Variants in RRAGD observed in about 807,000 individuals in gnomAD.
RRAGD encodes Ras related GTP binding D.
Under a neutral mutation model 35.5 loss-of-function variants are expected in RRAGD, and 12 were observed. That is an observed-to-expected ratio of 0.34 (90% CI 0.22 to 0.55). RRAGD has a LOEUF of 0.55. RRAGD is among the 20% of genes least tolerant of loss of function. The pLI, the probability that RRAGD is intolerant of heterozygous loss-of-function variation, is 0.91. For missense variants in RRAGD, 324 were observed against 490.1 expected (o/e 0.66, Z 3.20); for synonymous variants, 155 against 178.9 (o/e 0.87, Z 1.07).
At chr6:89,371,004 G>A (rs1482413857) in intron 6 of RRAGD, among the ~76,000 whole-genome samples, 2 of 151,466 alleles carry the variant, frequency 1.3e-5, no homozygotes, top group Non-Finnish European at 2.9e-5. Flanking sequence ...CAATGAATTA[G>A]GAAAATTTCA....
At chr6:89,396,085 T>A (rs1312980186) in intron 1 of RRAGD, among the ~76,000 whole-genome samples, 5 of 152,022 alleles carry the variant, frequency 3.3e-5, no homozygotes, top group African/African-American at 1.2e-4. Context: ...TAGGCAAAAA[T>A]TTCTTAGATA....
At chr6:89,388,768 T>G (rs1268012321) in intron 1 of RRAGD, among the ~76,000 whole-genome samples, 6 of 152,210 alleles carry the variant, frequency 3.9e-5, no homozygotes, top group African/African-American at 1.2e-4. Context: ...AATGAAATAA[T>G]TCTCAAGTCA....
intron 1 of RRAGD, among the ~76,000 whole-genome samples, chr6:89,397,419 A>G (rs751371825): frequency 6.6e-6 from 1 of 152,172 alleles, no homozygotes; most frequent in Admixed American, 6.5e-5. Flanking sequence ...TTGTCCATAT[A>G]ATAACGTGTA....
chr6:89,381,196 C>T (rs1284007992), intron 2 of RRAGD, among the ~76,000 whole-genome samples: 2 of 152,160 alleles, frequency 1.3e-5, no homozygotes, highest in African/African-American at 4.8e-5. Flanking sequence ...TGCTCATTTG[C>T]TTTCATATTG....
At position 89,372,580 on chromosome 6, in the gene RRAGD, T is replaced by C; in HGVS notation, c.908A>G (p.Lys303Arg). The C allele has an allele frequency of 6.5e-7, 1 of 1,528,142 alleles. No individual in the cohort carries two copies. The highest frequency in any genetic ancestry group is 1.3e-5 in the South Asian group (1 of 78,276). 94.7% of individuals were successfully genotyped at this position (1,528,142 alleles called of 1,614,324 possible). A position where few individuals can be genotyped will look rare whatever the true frequency, so the allele number is the denominator to read the frequency against. Residue 303 changes from lysine to arginine, a missense_variant, in exon 6 of 7, where the codon AAA becomes AGA. Lys to Arg is a conservative substitution (Grantham distance 26). Transcript: ENST00000369415. ...VIDISCIYGL[K>R]EDGAGTPYDK... ...ATAGGGGGTTCCTGCTCCATCTTCTTTGAGACTAAATGGGGACAGAAACCA... is the reference window on the plus strand; with the variant it reads ...ATAGGGGGTTCCTGCTCCATCTTCTCTGAGACTAAATGGGGACAGAAACCA...
chr6:89,386,439 C>T lies in RRAGD; in HGVS notation c.444+856G>A, dbSNP rs1427793523. Among the ~76,000 whole-genome samples the T allele has an allele frequency of 3.3e-5, 5 of 152,270 alleles. No individual in the cohort carries two copies. The East Asian group carries it at 5.8e-4, about 18-fold the overall frequency. On this transcript the variant is annotated intron_variant, in intron 2 of 6. Transcript: ENST00000369415. ...AAAGAACCTGATACAGGGAATGACT[C>T]GCGACTGGGAATGGGGCTCTTCAAA...
chr6:89,377,697 C>A lies in RRAGD; in HGVS notation c.876G>T (p.Val292=). The A allele has an allele frequency of 6.3e-7, 1 of 1,597,972 alleles. No homozygotes were observed. The highest frequency in any genetic ancestry group is 8.5e-7 in the Non-Finnish European group (1 of 1,174,760). ...TYELCCDMID[V]VIDISCIYGL... ...CATAAATACAAGAGATGTCAATAAC[C>A]ACATCTATCATATCACAGCAGAGCT... Residue 292 remains valine (V), a synonymous_variant, in exon 5 of 7, where the codon GTG becomes GTT. Transcript: ENST00000369415.
rs763964457 is a variant in RRAGD at position 89,387,404 on chromosome 6, T to G, written c.335A>C (p.Asn112Thr). ...REDVSNSSFV[N>T]FQIWDFPGQI... ...TCCTGGGAAGTCCCAAATCTGAAAA[T>G]TGACAAAGGAGCTGTTGGAAACATC... Residue 112 changes from asparagine to threonine, a missense_variant, in exon 2 of 7, where the codon AAT becomes ACT. By Grantham distance (65) the Asn-to-Thr change is moderately conservative (BLOSUM62 0). Transcript: ENST00000369415. 1 of 1,614,126 alleles carries G rather than the reference T, an allele frequency of 6.2e-7. No individual in the cohort carries two copies. The highest frequency in any genetic ancestry group is 8.5e-7 in the Non-Finnish European group (1 of 1,180,024).
intron 1 of RRAGD, among the ~76,000 whole-genome samples, chr6:89,405,636 T>C (rs1174939792): frequency 6.6e-6 from 1 of 152,066 alleles, no homozygotes; most frequent in African/African-American, 2.4e-5. Flanking sequence ...ACCCCAAGCC[T>C]AGGCAACGAG....
chr6:89,399,727 T>C (rs1453611785), intron 1 of RRAGD, among the ~76,000 whole-genome samples: 1 of 151,828 alleles, frequency 6.6e-6, no homozygotes, highest in Non-Finnish European at 1.5e-5. Flanking sequence ...TGCAGTGAGC[T>C]GTGATTATGC....
Position 89,412,171 on chromosome 6 carries a change from G to A in RRAGD, c.-178C>T, listed in dbSNP as rs1450983296. 7 of 450,574 alleles carry A rather than the reference G, an allele frequency of 1.6e-5. No homozygotes were observed. The highest frequency in any genetic ancestry group is 4.2e-5 in the East Asian group (1 of 23,790). 27.9% of individuals were successfully genotyped at this position (450,574 alleles called of 1,614,324 possible). A position where few individuals can be genotyped will look rare whatever the true frequency, so the allele number is the denominator to read the frequency against. ...GGCGGCGCCCAGGTCCGGGTCCCGC[G>A]GTTCCCAGCGCGCCCGAAGCCCCCT... is the stretch of plus-strand genomic sequence containing the variant. On this transcript the variant is annotated 5_prime_UTR_variant, in exon 1 of 7. Transcript: ENST00000369415. This position sits in a 1 kb window ranked among gnomAD's most constrained non-coding sequence, Gnocchi z 4.2.
At chr6:89,403,526 G>A (rs1001082486) in intron 1 of RRAGD, among the ~76,000 whole-genome samples, 3 of 151,752 alleles carry the variant, frequency 2.0e-5, no homozygotes, top group African/African-American at 7.2e-5. Context: ...GAACCTTTAT[G>A]TCTGTGGAAT....
chr6:89,368,283 G>A, intron 6 of RRAGD, 76 bp from the exon 7 acceptor site: 2 of 1,404,546 alleles, frequency 1.4e-6, no homozygotes, highest in Admixed American at 1.9e-5. Context: ...CCATGGCCAG[G>A]ACAAGCCAGT....
Position 89,412,094 on chromosome 6 carries a change from G to C in RRAGD, c.-101C>G. ...CAGCCTATTTCTGAAGCGGAGGTTT[G>C]TCTAGAGCTCAGCGGGGCCCGGCGG... On this transcript the variant is annotated 5_prime_UTR_variant, in exon 1 of 7. Transcript: ENST00000369415. The surrounding 1 kb of genome is among the most constrained non-coding windows in gnomAD (Gnocchi z 4.2). 1 of 1,208,936 alleles carries C rather than the reference G, an allele frequency of 8.3e-7. No individual in the cohort carries two copies. The highest frequency in any genetic ancestry group is 1.1e-6 in the Non-Finnish European group (1 of 923,944). 74.9% of individuals were successfully genotyped at this position (1,208,936 alleles called of 1,614,324 possible).
chr6:89,383,104 A>G (rs116162753), intron 2 of RRAGD, among the ~76,000 whole-genome samples: 1 of 152,310 alleles, frequency 6.6e-6, no homozygotes, highest in African/African-American at 2.4e-5. Context: ...GAAATATTCT[A>G]TATCTTGAAG....
At chr6:89,382,369 TG>T (rs1353894675) in intron 2 of RRAGD, among the ~76,000 whole-genome samples, 1 of 141,978 alleles carries the variant, frequency 7.0e-6, no homozygotes, top group Admixed American at 7.2e-5. Context: ...AAGACCGGCC[TG>T]AACAACACAG....
At chr6:89,372,378 A>G (rs1350413387) in intron 6 of RRAGD, 59 bp downstream of exon 6, 10 of 1,519,714 alleles carry the variant, frequency 6.6e-6, no homozygotes, top group Admixed American at 2.1e-5. Context: ...CAAACAATAC[A>G]TGCAGTAGCA....
At chr6:89,383,275 C>T (rs1484940913) in intron 2 of RRAGD, among the ~76,000 whole-genome samples, 1 of 152,106 alleles carries the variant, frequency 6.6e-6, no homozygotes, top group East Asian at 1.9e-4. Flanking sequence ...CAAAACTACC[C>T]AATGTCAAGA....
At chr6:89,397,822 G>A (rs1554204655) in intron 1 of RRAGD, among the ~76,000 whole-genome samples, 1 of 152,242 alleles carries the variant, frequency 6.6e-6, no homozygotes, top group Non-Finnish European at 1.5e-5. Flanking sequence ...ATCTACAGTG[G>A]CAAATAGCGT....
Sources: allele counts gnomAD v4.1 joint callset (sites outside exome capture counted in the v4.1 genomes callset), GRCh38; gene constraint gnomAD v4.1.1; non-coding constraint Gnocchi (gnomAD v3.1); transcripts MANE v1.5; gene names NCBI Gene and HGNC (gene_info 2026-07-23, HGNC 2026-07-21).